Variants in ASRGL1 observed in about 807,000 individuals in gnomAD.
ASRGL1 encodes asparaginase and isoaspartyl peptidase 1.
ASRGL1 carries 16 observed loss-of-function variants against 22.4 expected under a neutral mutation model. The ratio of observed to expected loss-of-function variants is 0.71; its 90% confidence interval spans 0.48 to 1.08. The LOEUF is 1.08. Ranked by LOEUF, ASRGL1 falls within the 50% of genes least tolerant of loss-of-function variation. The pLI, the probability that ASRGL1 is intolerant of heterozygous loss-of-function variation, is 0.00. For synonymous variants in ASRGL1, 165 were observed against 159.3 expected (o/e 1.04, Z -0.27); for missense variants, 412 against 410.1 (o/e 1.00, Z -0.04).
chr11:62,342,758 CAA>C (rs199845646), intron 2 of ASRGL1, among the ~76,000 whole-genome samples: 5 of 130,634 alleles, frequency 3.8e-5, no homozygotes. Flanking sequence ...ACTCTGTCTC[CAA>C]AAAAAAAAAA....
Position 62,389,465 on chromosome 11 carries a change from A to G in ASRGL1, c.610+214A>G. 3 of 631,872 alleles carry G rather than the reference A, an allele frequency of 4.7e-6. No homozygotes were observed. In the South Asian group the frequency reaches 4.8e-5, roughly 10 times the overall value. The allele number at this position is 631,872 out of a possible 1,614,324, so 39.1% of individuals were successfully genotyped here. ...TGTATCTGGCGCCACTGTTTTTACT[A>G]GATTGCATGCCTTTTTGGAACAACT... On this transcript the variant is annotated intron_variant, in intron 5 of 6. Transcript: ENST00000415229.
chr11:62,346,209 C>T (rs972060939), intron 2 of ASRGL1, among the ~76,000 whole-genome samples: 2 of 152,124 alleles, frequency 1.3e-5, no homozygotes, highest in African/African-American at 2.4e-5. Flanking sequence ...TCCTCGAATT[C>T]AGTTAATTTG....
intron 2 of ASRGL1, among the ~76,000 whole-genome samples, chr11:62,345,053 A>G (rs1945980645): frequency 1.3e-5 from 2 of 152,148 alleles, no homozygotes; most frequent in South Asian, 4.1e-4. Context: ...ACAGAATCTC[A>G]TTCTTTTTTA....
At chr11:62,339,191 C>T (rs184785898) in intron 2 of ASRGL1, among the ~76,000 whole-genome samples, 1 of 152,224 alleles carries the variant, frequency 6.6e-6, no homozygotes, top group Admixed American at 6.5e-5. Context: ...CAAGATATGG[C>T]GAAGAAACGT....
At chr11:62,366,094 T>C (rs1319450022) in intron 4 of ASRGL1, among the ~76,000 whole-genome samples, 1 of 142,284 alleles carries the variant, frequency 7.0e-6, no homozygotes, top group East Asian at 2.1e-4. Flanking sequence ...AAACCCCGTC[T>C]CTACTGAAAG....
chr11:62,374,811 C>G (rs1286901470), intron 4 of ASRGL1, among the ~76,000 whole-genome samples: 7 of 152,152 alleles, frequency 4.6e-5, no homozygotes, highest in African/African-American at 1.7e-4. Flanking sequence ...TCTGCCACTT[C>G]AGAGTTTGCT....
intron 4 of ASRGL1, chr11:62,371,225 C>T (rs1946752820): frequency 8.0e-7 from 1 of 1,254,050 alleles, no homozygotes. Flanking sequence ...ACGTGGCGGC[C>T]CCGCAGCCGG....
intron 4 of ASRGL1, among the ~76,000 whole-genome samples, chr11:62,363,548 A>G (rs1168203563): frequency 6.6e-6 from 1 of 152,216 alleles, no homozygotes; most frequent in Non-Finnish European, 1.5e-5. Context: ...ATAGACCTAG[A>G]TACTGTTTAA....
At chr11:62,394,220 T>A (rs1200883605), downstream of ASRGL1, among the ~76,000 whole-genome samples, 1 of 110,344 alleles carries the variant, frequency 9.1e-6, no homozygotes, top group Non-Finnish European at 1.7e-5. Context: ...ATATATAATA[T>A]TATATATTTT....
intron 2 of ASRGL1, among the ~76,000 whole-genome samples, chr11:62,350,408 G>A (rs1337330931): frequency 2.6e-5 from 4 of 152,178 alleles, no homozygotes; most frequent in African/African-American, 4.8e-5. Flanking sequence ...TCATGAACAC[G>A]TTTTTATATG....
At chr11:62,385,603 G>A (rs11820997) in intron 4 of ASRGL1, among the ~76,000 whole-genome samples, 7 of 152,192 alleles carry the variant, frequency 4.6e-5, no homozygotes, top group South Asian at 2.1e-4. Context: ...GGTGCCTCAC[G>A]CCTGTAATCC....
chr11:62,373,963 G>A (rs1946846541), intron 4 of ASRGL1, among the ~76,000 whole-genome samples: 1 of 152,224 alleles, frequency 6.6e-6, no homozygotes, highest in Admixed American at 6.5e-5. Context: ...TGCGGAGCCA[G>A]GGCTGAGCCT....
intron 4 of ASRGL1, chr11:62,382,061 G>A (rs138548099): frequency 0.025 from 3,764 of 152,348 alleles, 91 homozygotes; most frequent in Non-Finnish European, 0.034. Flanking sequence ...GGCCGAGGCC[G>A]GTGGATCACG....
intron 4 of ASRGL1, among the ~76,000 whole-genome samples, chr11:62,367,709 C>T (rs1464122980): frequency 1.3e-5 from 2 of 150,482 alleles, no homozygotes; most frequent in South Asian, 2.1e-4. Context: ...TTTGGGAGGC[C>T]GAGGTGGGTG....
Position 62,376,193 on chromosome 11 carries a change from G to A in ASRGL1, c.492-12940G>A, listed in dbSNP as rs1217147139. 1.0e-4 allele frequency among the ~76,000 whole-genome samples: 13 copies of A among 128,704 alleles called. No homozygotes were observed. In the South Asian group the frequency reaches 3.1e-3, roughly 31 times the overall value. The allele number at this position is 128,704 out of a possible 152,430, so 84.4% of individuals were successfully genotyped here. A position where few individuals can be genotyped will look rare whatever the true frequency, so the allele number is the denominator to read the frequency against. ...TTCTCAAGGCTTTTTTTTTTTTTTA[G>A]CTAACTGTGCCAGCTTCTTTAATTG... is the stretch of plus-strand genomic sequence containing the variant. On this transcript the variant is annotated intron_variant, in intron 4 of 6. Coordinates refer to ENST00000415229, the MANE Select transcript of ASRGL1 (RefSeq NM_001083926.2).
At chr11:62,351,857 A>G (rs907674698) in intron 2 of ASRGL1, among the ~76,000 whole-genome samples, 2 of 152,176 alleles carry the variant, frequency 1.3e-5, no homozygotes, top group South Asian at 2.1e-4. Flanking sequence ...ATTGTTTTGT[A>G]GAGACAGGGT....
At chr11:62,400,985 T>C in the ASRGL1 span, among the ~76,000 whole-genome samples, 1 of 152,196 alleles carries the variant, frequency 6.6e-6, no homozygotes, top group African/African-American at 2.4e-5. Context: ...GCCCTGCCCA[T>C]GAGCTCAGCT....
At chr11:62,371,898 G>A in intron 4 of ASRGL1, 1 of 565,578 alleles carries the variant, frequency 1.8e-6, no homozygotes, top group Non-Finnish European at 3.1e-6. Context: ...AGCTTGCAGT[G>A]GGCCGAGATC....
At chr11:62,367,519 C>G (rs898417430) in intron 4 of ASRGL1, among the ~76,000 whole-genome samples, 2 of 151,934 alleles carry the variant, frequency 1.3e-5, no homozygotes, top group Non-Finnish European at 2.9e-5. Flanking sequence ...TGGCGCATGC[C>G]TGTAATTCCA....
Sources: allele counts gnomAD v4.1 joint callset (sites outside exome capture counted in the v4.1 genomes callset), GRCh38; gene constraint gnomAD v4.1.1; transcripts MANE v1.5; gene names NCBI Gene and HGNC (gene_info 2026-07-23, HGNC 2026-07-21).